Variants in BTNL9 observed in about 807,000 individuals in gnomAD.
BTNL9 encodes the protein butyrophilin-like protein 9.
A neutral mutation model predicts 45.8 loss-of-function variants in BTNL9; 45 were observed. That is an observed-to-expected ratio of 0.98 (90% CI 0.77 to 1.26). BTNL9 has a LOEUF of 1.26. BTNL9 is among the 50% of genes most tolerant of loss of function. The pLI is 0.00. For missense variants in BTNL9, 784 were observed against 729.7 expected (o/e 1.07, Z -0.86); for synonymous variants, 346 against 330.8 (o/e 1.05, Z -0.50).
chr5:181,043,936 G>C (rs1377240037), intron 1 of BTNL9, among the ~76,000 whole-genome samples: 1 of 152,214 alleles, frequency 6.6e-6, no homozygotes, highest in Non-Finnish European at 1.5e-5. Flanking sequence ...TGTGTGAATC[G>C]TGTTCCAATA....
Position 181,042,879 on chromosome 5 carries a change from C to T in BTNL9, c.-24+2447C>T, listed in dbSNP as rs570152103. 3.9e-5 allele frequency among the ~76,000 whole-genome samples: 6 copies of T among 152,154 alleles called. No homozygotes were observed. The highest frequency in any genetic ancestry group is 1.2e-4 in the African/African-American group (5 of 41,516). ...GTCTGTGGCCAGCTGGTTCCTGAGA[C>T]GGTCATGGTTTTGGGTAACAGGAGT... is the stretch of plus-strand genomic sequence containing the variant. On this transcript the variant is annotated intron_variant, in intron 1 of 10. Coordinates refer to ENST00000327705, the MANE Select transcript of BTNL9 (RefSeq NM_152547.5). The surrounding 1 kb of genome is among the most constrained non-coding windows in gnomAD (Gnocchi z 4.5).
Position 181,042,932 on chromosome 5 carries a change from C to T in BTNL9, c.-24+2500C>T, listed in dbSNP as rs1197252044. On this transcript the variant is annotated intron_variant, in intron 1 of 10. Transcript: ENST00000327705. This position sits in a 1 kb window ranked among gnomAD's most constrained non-coding sequence, Gnocchi z 4.5. The stretch of plus-strand genomic sequence containing the variant: ...CGGAAGGGTGTACCCAGACACACGA[C>T]GTAGCTGGTGAGGAATCTGAATTCG... Among the ~76,000 whole-genome samples, 2 of 152,132 alleles carry T rather than the reference C, an allele frequency of 1.3e-5. No individual in the cohort carries two copies. The highest frequency in any genetic ancestry group is 3.4e-3 in the Middle Eastern group (1 of 294).
rs370306645 is a variant in BTNL9, at chr5:181,059,872, G to T, written c.*10G>T. 1 of 1,519,770 alleles carries T rather than the reference G, an allele frequency of 6.6e-7. No individual in the cohort carries two copies. The highest frequency in any genetic ancestry group is 2.0e-5 in the Admixed American group (1 of 50,546). 94.1% of individuals were successfully genotyped at this position (1,519,770 alleles called of 1,614,324 possible). A position where few individuals can be genotyped will look rare whatever the true frequency, so the allele number is the denominator to read the frequency against. On this transcript the variant is annotated 3_prime_UTR_variant, in exon 11 of 11. Transcript: ENST00000327705. ...CCTGGACTGGTGGTGAGGCGCCCTC[G>T]TGGCCGCGGGACTGGCCCCGGGGGG... is the stretch of plus-strand genomic sequence containing the variant.
Position 181,059,783 on chromosome 5 carries a change from C to A in BTNL9, c.1529C>A (p.Thr510Lys). Residue 510 changes from threonine to lysine, a missense_variant, in exon 11 of 11, where the codon ACG (threonine) becomes AAG (lysine). By Grantham distance (78) the Thr-to-Lys change is moderately conservative. Coordinates refer to ENST00000327705, the MANE Select transcript of BTNL9 (RefSeq NM_152547.5). ...ATCTGCCCGCTGCCGGTTAGAGGGA[C>A]GGGCGTCCCCGAAGAGAACGACAGT... ...LTICPLPVRG[T>K]GVPEENDSDT... 1.2e-6 allele frequency: 2 copies of A among 1,608,704 alleles called. No homozygotes were observed. Among genetic ancestry groups the A allele is most frequent in the Non-Finnish European group, 1.7e-6 (2 of 1,179,312 alleles).
intron 9 of BTNL9, 109 bp from the exon 10 acceptor site, chr5:181,058,243 G>A (rs1761982912): frequency 7.9e-7 from 1 of 1,260,418 alleles, no homozygotes; most frequent in Non-Finnish European, 1.2e-6. Context: ...AGTGGGAATG[G>A]GGTCATTCGA....
rs1208374665 is a variant in BTNL9, at chr5:181,053,133, A to G, written c.737-67A>G. On this transcript the variant is annotated intron_variant, in intron 4 of 10. Transcript: ENST00000327705. The surrounding 1 kb of genome is among the most constrained non-coding windows in gnomAD (Gnocchi z 6.5). ...GGAGGTTTCCCGGCACGCGGCGGGCAGGCCGGTCTCGCCTCTCGGTGCTCA... is the reference window on the plus strand; with the variant it reads ...GGAGGTTTCCCGGCACGCGGCGGGCGGGCCGGTCTCGCCTCTCGGTGCTCA... 3 of 1,335,522 alleles carry G rather than the reference A, an allele frequency of 2.2e-6. No homozygotes were observed. The highest frequency in any genetic ancestry group is 2.0e-6 in the Non-Finnish European group (2 of 979,192). The allele number at this position is 1,335,522 out of a possible 1,614,324, so 82.7% of individuals were successfully genotyped here.
intron 6 of BTNL9, 145 bp from the exon 7 acceptor site, chr5:181,054,094 C>A: frequency 6.4e-7 from 1 of 1,551,878 alleles, no homozygotes; most frequent in Non-Finnish European, 8.7e-7. Flanking sequence ...CACTTCCAGC[C>A]CAGCCTGGGC....
In BTNL9 at chr5:181,059,508, CTA is replaced by C; in HGVS notation, c.1255_1256del (p.Tyr419LeufsTer89). On this transcript the variant is annotated frameshift_variant, in exon 11 of 11. Coordinates refer to ENST00000327705, the MANE Select transcript of BTNL9 (RefSeq NM_152547.5). LOFTEE classifies it low-confidence loss of function (END_TRUNC). ...GPARLSPAAGYWVLGLWNGCE... is the reference protein window; with the variant it reads ...GPARLSPAAGXWVLGLWNGCE... ...CTGCGCGCCTGAGCCCTGCGGCCGGCTACTGGGTGCTGGGGCTGTGGAACGGC... is the reference window on the plus strand; with the variant it reads ...CTGCGCGCCTGAGCCCTGCGGCCGGCCTGGGTGCTGGGGCTGTGGAACGGC... 6.3e-7 allele frequency: 1 copy of C among 1,590,268 alleles called. No individual in the cohort carries two copies. The highest frequency in any genetic ancestry group is 2.3e-5 in the East Asian group (1 of 43,922).
intron 9 of BTNL9, chr5:181,056,681 G>C: frequency 1.4e-6 from 1 of 709,686 alleles, no homozygotes; most frequent in Non-Finnish European, 2.6e-6. Context: ...CTAGGAGGGG[G>C]ACTGCTGGCC....
Position 181,053,520 on chromosome 5 carries a change from T to G in BTNL9, c.886+19T>G. On this transcript the variant is annotated intron_variant, in intron 6 of 10. Coordinates refer to ENST00000327705, the MANE Select transcript of BTNL9 (RefSeq NM_152547.5). This position sits in a 1 kb window ranked among gnomAD's most constrained non-coding sequence, Gnocchi z 6.5. ...AGACAAGGTGAGCGGGGACAGGGCG[T>G]TCTGCACGCACCTGCCCAAGTGCCA... The G allele has an allele frequency of 6.4e-7, 1 of 1,570,848 alleles. No homozygotes were observed. The highest frequency in any genetic ancestry group is 8.6e-7 in the Non-Finnish European group (1 of 1,157,894).
rs1761274462 is a variant in BTNL9, at chr5:181,048,000, A to G, written c.183A>G (p.Leu61=). ...VGEEVEFPCH[L]WPQLDAQQME... The stretch of plus-strand genomic sequence containing the variant: ...AGGAGGTGGAGTTCCCGTGCCACCT[A>G]TGGCCACAGCTGGATGCCCAGCAAA... Residue 61 remains leucine, a synonymous_variant, in exon 3 of 11, where the codon CTA becomes CTG. Coordinates refer to ENST00000327705, the MANE Select transcript of BTNL9 (RefSeq NM_152547.5). The G allele has an allele frequency of 2.5e-6, 4 of 1,613,788 alleles. No individual in the cohort carries two copies. In the East Asian group the frequency reaches 6.7e-5, roughly 27 times the overall value.
Position 181,055,150 on chromosome 5 carries a change from C to G in BTNL9, c.908-283C>G. The G allele has an allele frequency of 8.0e-7, 1 of 1,247,404 alleles. No homozygotes were observed. The highest frequency in any genetic ancestry group is 3.4e-5 in the East Asian group (1 of 29,374). The allele number at this position is 1,247,404 out of a possible 1,614,324, so 77.3% of individuals were successfully genotyped here. ...TGTGATTTCAGGCAGAAGGAACAACCCCAACCCTGGGAAGAGGCCTGTCAG... is the reference window on the plus strand; with the variant it reads ...TGTGATTTCAGGCAGAAGGAACAACGCCAACCCTGGGAAGAGGCCTGTCAG... On this transcript the variant is annotated intron_variant, in intron 7 of 10. Coordinates refer to ENST00000327705, the MANE Select transcript of BTNL9 (RefSeq NM_152547.5). This position sits in a 1 kb window ranked among gnomAD's most constrained non-coding sequence, Gnocchi z 4.4.
intron 1 of BTNL9, among the ~76,000 whole-genome samples, chr5:181,041,039 G>A (rs1760752763): frequency 6.6e-6 from 1 of 152,240 alleles, no homozygotes; most frequent in Admixed American, 6.5e-5. Context: ...GACATATGCA[G>A]AGCAAAAAAT....
In BTNL9 at chr5:181,046,507, G is replaced by T. The variant is rs115512433; in HGVS notation, c.109+909G>T. Among the ~76,000 whole-genome samples the T allele has an allele frequency of 9.2e-3, 1,400 of 152,254 alleles. 22 individuals are homozygous for T. Among genetic ancestry groups the T allele is most frequent in the African/African-American group, 0.032 (1,318 of 41,534 alleles). On this transcript the variant is annotated intron_variant, in intron 2 of 10. Transcript: ENST00000327705. The stretch of plus-strand genomic sequence containing the variant: ...CTCATGAAAGATGTAGCCAACAGAG[G>T]GTGCAAACTAATAATTCAAAGGTAA...
rs1761804417 is a variant in BTNL9, at chr5:181,055,045, G to T, written c.908-388G>T. The T allele has an allele frequency of 1.9e-5, 19 of 985,290 alleles. No individual in the cohort carries two copies. The highest frequency in any genetic ancestry group is 6.1e-5 in the Admixed American group (1 of 16,266). 61.0% of individuals were successfully genotyped at this position (985,290 alleles called of 1,614,324 possible). On this transcript the variant is annotated intron_variant, in intron 7 of 10. Coordinates refer to ENST00000327705, the MANE Select transcript of BTNL9 (RefSeq NM_152547.5). This position sits in a 1 kb window ranked among gnomAD's most constrained non-coding sequence, Gnocchi z 4.4. Reference sequence around the variant, plus strand: ...ATGTCCTTCCAGTCCTTCAGATAACGCACCCGGTGAGTGACCGTGAGGCTC... The same window carrying T: ...ATGTCCTTCCAGTCCTTCAGATAACTCACCCGGTGAGTGACCGTGAGGCTC...
intron 2 of BTNL9, 102 bp from the exon 3 acceptor site, chr5:181,047,824 GT>G: frequency 9.4e-7 from 1 of 1,069,000 alleles, no homozygotes; most frequent in Non-Finnish European, 1.3e-6. Context: ...CACCTTTCTT[GT>G]TTTTATGGTT....
Position 181,060,569 on chromosome 5 carries a change from G to A in BTNL9, c.*707G>A, listed in dbSNP as rs1167797878. 6.6e-6 allele frequency: 1 copy of A among 152,218 alleles called. No individual in the cohort carries two copies. The highest frequency in any genetic ancestry group is 1.5e-5 in the Non-Finnish European group (1 of 68,034). 9.4% of individuals were successfully genotyped at this position (152,218 alleles called of 1,614,324 possible). ...CACACTGAATAAAAACATAATCCAT[G>A]AGTTCATGCTGATACTCAAATTTCT... On this transcript the variant is annotated 3_prime_UTR_variant, in exon 11 of 11. Transcript: ENST00000327705.
chr5:181,041,738 A>G lies in BTNL9; in HGVS notation c.-24+1306A>G, dbSNP rs530703981. 1.5e-4 allele frequency among the ~76,000 whole-genome samples: 23 copies of G among 152,336 alleles called. No homozygotes were observed. In the South Asian group the frequency reaches 3.5e-3, roughly 23 times the overall value. On this transcript the variant is annotated intron_variant, in intron 1 of 10. Transcript: ENST00000327705. ...TTATGGTTTTCCTGTAATAAGAATG[A>G]TTTATATTTTTAGTGAAAAGTTGTT...
rs775299854 is a variant in BTNL9 at position 181,059,456 on chromosome 5, G to T, written c.1202G>T (p.Cys401Phe). 1.4e-6 allele frequency: 2 copies of T among 1,451,310 alleles called. No homozygotes were observed. Among genetic ancestry groups the T allele is most frequent in the South Asian group, 1.4e-5 (1 of 71,182 alleles). The allele number at this position is 1,451,310 out of a possible 1,614,324, so 89.9% of individuals were successfully genotyped here. A position where few individuals can be genotyped will look rare whatever the true frequency, so the allele number is the denominator to read the frequency against. The part of the protein sequence containing the change: ...GRRSRWFLGA[C>F]LAAVPRAGPA... ...CGCAGCCGCTGGTTCCTGGGCGCCT[G>T]CCTGGCCGCGGTGCCGCGCGCGGGG... is the stretch of plus-strand genomic sequence containing the variant. Residue 401 changes from cysteine to phenylalanine, a missense_variant, in exon 11 of 11, where the codon TGC becomes TTC. Physicochemically the swap from Cys to Phe is radical, Grantham distance 205 (BLOSUM62 -2). Coordinates refer to ENST00000327705, the MANE Select transcript of BTNL9 (RefSeq NM_152547.5).
Sources: gnomAD v4.1 joint callset for allele counts (sites outside exome capture counted in the v4.1 genomes callset) on GRCh38, gnomAD v4.1.1 for gene constraint, Gnocchi (gnomAD v3.1) non-coding constraint, MANE v1.5 for transcripts, NCBI Gene and HGNC (gene_info 2026-07-23, HGNC 2026-07-21) for gene names.